The following FRMD3 variants were observed in gnomAD, a reference collection of about 807,000 sequenced individuals.
FRMD3 encodes FERM domain containing 3, also known as FERM domain-containing protein 3.
A neutral mutation model predicts 70.2 loss-of-function variants in FRMD3; 33 were observed. The ratio of observed to expected loss-of-function variants is 0.47; its 90% CI spans 0.36 to 0.63. The LOEUF (loss-of-function observed/expected upper bound fraction) is 0.63, where lower values mean the gene tolerates loss of function less well. FRMD3 is among the 20% of genes least tolerant of loss of function. The pLI is 0.00. For synonymous variants in FRMD3, 279 were observed against 255.9 expected (o/e 1.09, Z -0.86); for missense variants, 632 against 711.4 (o/e 0.89, Z 1.27).
rs995920127 is a variant in FRMD3, at chr9:83,522,919, G to A, written c.147+15166C>T. On this transcript the variant is annotated intron_variant, in intron 1 of 13. Transcript: ENST00000304195. ...GAGAGCCACTAGAGGTTAAAGAAAG[G>A]TTATGCCTTCCCCCAAGCCACACTC... Among the ~76,000 whole-genome samples the A allele has an allele frequency of 3.3e-5, 5 of 152,032 alleles. No homozygotes were observed. The South Asian group carries it at 1.0e-3, about 32-fold the overall frequency.
At chr9:83,495,638 A>G (rs1265596909) in intron 1 of FRMD3, among the ~76,000 whole-genome samples, 1 of 152,236 alleles carries the variant, frequency 6.6e-6, no homozygotes, top group Non-Finnish European at 1.5e-5. Flanking sequence ...AAACACAGAA[A>G]ATGTTCCCTG....
At chr9:83,501,125 A>G (rs1829058778) in intron 1 of FRMD3, among the ~76,000 whole-genome samples, 2 of 152,218 alleles carry the variant, frequency 1.3e-5, no homozygotes, top group African/African-American at 4.8e-5. Flanking sequence ...TGATACAACT[A>G]GAGATTTTTC....
chr9:83,276,632 C>A (rs1467258272), intron 13 of FRMD3: 6 of 152,170 alleles, frequency 3.9e-5, no homozygotes, highest in Non-Finnish European at 5.9e-5. Context: ...AGCTATGACT[C>A]CAAAAGAGAA....
At chr9:83,403,085 G>A (rs1354216495) in intron 1 of FRMD3, among the ~76,000 whole-genome samples, 1 of 151,844 alleles carries the variant, frequency 6.6e-6, no homozygotes, top group East Asian at 1.9e-4. Flanking sequence ...TGTATTTTTA[G>A]TAGAGACGGG....
chr9:83,577,505 T>C, the FRMD3 span, among the ~76,000 whole-genome samples: 1 of 152,020 alleles, frequency 6.6e-6, no homozygotes. Context: ...GATATCTATC[T>C]ACACAAAAAT....
intron 13 of FRMD3, among the ~76,000 whole-genome samples, chr9:83,257,924 A>G (rs1391637791): frequency 1.3e-5 from 2 of 152,250 alleles, no homozygotes; most frequent in Non-Finnish European, 1.5e-5. Context: ...GAAAACACTC[A>G]ATAATGTTAA....
intron 1 of FRMD3, among the ~76,000 whole-genome samples, chr9:83,489,477 A>G (rs1331794346): frequency 6.6e-6 from 1 of 152,228 alleles, no homozygotes; most frequent in East Asian, 1.9e-4. Context: ...AAAACACAAC[A>G]TAGAAGCAAC....
chr9:83,360,482 A>G (rs971882768), intron 3 of FRMD3, among the ~76,000 whole-genome samples: 2 of 152,176 alleles, frequency 1.3e-5, no homozygotes, highest in Non-Finnish European at 2.9e-5. Context: ...CATGGTTATC[A>G]TTCAGACACT....
At chr9:83,552,074 T>C in the FRMD3 span, among the ~76,000 whole-genome samples, 1 of 152,304 alleles carries the variant, frequency 6.6e-6, no homozygotes, top group African/African-American at 2.4e-5. Context: ...GGTTATTACT[T>C]TGAGATCTTT....
chr9:83,404,322 G>A (rs543562160), intron 1 of FRMD3, among the ~76,000 whole-genome samples: 8 of 152,156 alleles, frequency 5.3e-5, no homozygotes, highest in Non-Finnish European at 8.8e-5. Context: ...AATTTTAATC[G>A]CCATTATCAG....
intron 1 of FRMD3, among the ~76,000 whole-genome samples, chr9:83,478,589 G>T (rs1179492383): frequency 6.6e-6 from 1 of 152,066 alleles, no homozygotes; most frequent in Admixed American, 6.6e-5. Context: ...AAACAGTATG[G>T]CACTTCCTCA....
At chr9:83,460,695 T>C (rs1258193856) in intron 1 of FRMD3, among the ~76,000 whole-genome samples, 2 of 152,240 alleles carry the variant, frequency 1.3e-5, no homozygotes, top group African/African-American at 4.8e-5. Context: ...AAGTCAAATA[T>C]ACCAAAAAGG....
chr9:83,244,587 C>G (rs1294308765), downstream of FRMD3: 2 of 795,168 alleles, frequency 2.5e-6, no homozygotes, highest in Non-Finnish European at 3.0e-6. Context: ...GACTATACAA[C>G]TTTACTTTAA....
intron 1 of FRMD3, among the ~76,000 whole-genome samples, chr9:83,401,917 T>C (rs1825961586): frequency 6.6e-6 from 1 of 152,084 alleles, no homozygotes; most frequent in Non-Finnish European, 1.5e-5. Context: ...AGTCCAACAC[T>C]GGGTTTAATT....
At chr9:83,507,691 CATATATATATATATATATATATATATAT>C (rs34251863) in intron 1 of FRMD3, among the ~76,000 whole-genome samples, 28 of 49,242 alleles carry the variant, frequency 5.7e-4, no homozygotes, top group African/African-American at 2.1e-3. Flanking sequence ...AATATACATA[CATATATATATATATATATATATATATAT>C]ATATATATAT....
At chr9:83,309,660 A>G in intron 9 of FRMD3, 36 bp from the exon 10 acceptor site, 1 of 1,348,652 alleles carries the variant, frequency 7.4e-7, no homozygotes, top group Non-Finnish European at 1.0e-6. Flanking sequence ...AAAGGCACGT[A>G]AAATACCATT....
chr9:83,283,544 AAAAATAATAATAAT>A (rs1449996261), intron 13 of FRMD3, among the ~76,000 whole-genome samples: 2 of 14,988 alleles, frequency 1.3e-4, no homozygotes, highest in Non-Finnish European at 5.4e-4. Context: ...AAAAAAAAAA[AAAAATAATAATAAT>A]AATAATAATA....
In FRMD3 at chr9:83,244,798, G is replaced by A. The variant is rs544143902; in HGVS notation, c.*3120C>T. ...AATAAACTCATTGTGAATTCACCCCGAGTTGTGTTTATAAATATTAGACAA... is the reference window on the plus strand; with the variant it reads ...AATAAACTCATTGTGAATTCACCCCAAGTTGTGTTTATAAATATTAGACAA... On this transcript the variant is annotated 3_prime_UTR_variant, in exon 14 of 14. Coordinates refer to ENST00000304195, the MANE Select transcript of FRMD3 (RefSeq NM_174938.6). 8.3e-5 allele frequency: 82 copies of A among 985,104 alleles called. No individual in the cohort carries two copies. Among genetic ancestry groups the A allele is most frequent in the African/African-American group, 1.2e-4 (7 of 57,296 alleles). 61.0% of individuals were successfully genotyped at this position (985,104 alleles called of 1,614,324 possible). A position where few individuals can be genotyped will look rare whatever the true frequency, so the allele number is the denominator to read the frequency against.
intron 1 of FRMD3, among the ~76,000 whole-genome samples, chr9:83,419,163 T>C (rs946115628): frequency 6.6e-6 from 1 of 151,982 alleles, no homozygotes; most frequent in African/African-American, 2.4e-5. Context: ...GGGCCAGGGG[T>C]TAAAAACTAC....
Sources: allele counts gnomAD v4.1 joint callset (sites outside exome capture counted in the v4.1 genomes callset), GRCh38; gene constraint gnomAD v4.1.1; transcripts MANE v1.5; gene names NCBI Gene and HGNC (gene_info 2026-07-23, HGNC 2026-07-21).